UBR3: variants seen among roughly 807,000 people sequenced by gnomAD.
UBR3 encodes the protein ubiquitin protein ligase E3 component n-recognin 3, also known as E3 ubiquitin-protein ligase UBR3.
A neutral mutation model predicts 243.2 loss-of-function variants in UBR3; 85 were observed. That is an observed-to-expected ratio of 0.35 (90% CI 0.29 to 0.42). The LOEUF is 0.42. Ranked by LOEUF, UBR3 falls within the 10% of genes least tolerant of loss-of-function variation. The probability of loss-of-function intolerance (pLI) is 1.00; values close to 1 mark genes in which losing one functional copy is unlikely to be tolerated. For synonymous variants in UBR3, 748 were observed against 799.8 expected, an observed-to-expected ratio of 0.94 and a Z score of 1.09; for missense variants, 1,686 against 2,300.8, an observed-to-expected ratio of 0.73 and a Z score of 5.47.
chr2:169,893,251 C>A (rs570078962), intron 6 of UBR3, among the ~76,000 whole-genome samples: 5 of 152,294 alleles, frequency 3.3e-5, no homozygotes, highest in Admixed American at 6.5e-5. Flanking sequence ...GCAGAAGCCA[C>A]AGCTTTCCTG....
intron 25 of UBR3, among the ~76,000 whole-genome samples, chr2:169,990,803 C>T (rs1229368590): frequency 6.6e-6 from 1 of 151,380 alleles, no homozygotes; most frequent in Non-Finnish European, 1.5e-5. Context: ...CAATTAATTA[C>T]AGAAGAAGGC....
At chr2:169,994,663 T>C (rs892090246) in intron 26 of UBR3, among the ~76,000 whole-genome samples, 1 of 152,234 alleles carries the variant, frequency 6.6e-6, no homozygotes, top group African/African-American at 2.4e-5. Context: ...TTAAATGTTG[T>C]TTGTTGTGTG....
intron 8 of UBR3, among the ~76,000 whole-genome samples, chr2:169,904,015 A>G (rs756015550): frequency 5.9e-5 from 9 of 152,188 alleles, no homozygotes; most frequent in Admixed American, 6.5e-5. Context: ...ACATCTATAA[A>G]GCATCATCTG....
At chr2:169,986,889 T>C (rs2089030339) in intron 25 of UBR3, 95 bp downstream of exon 25, 1 of 1,341,554 alleles carries the variant, frequency 7.5e-7, no homozygotes, top group Non-Finnish European at 1.0e-6. Context: ...ATTATATCTT[T>C]GTCTACTTAT....
chr2:170,046,327 T>C (rs565508470), intron 32 of UBR3, among the ~76,000 whole-genome samples: 188 of 152,268 alleles, frequency 1.2e-3, no homozygotes, highest in Non-Finnish European at 2.1e-3. Flanking sequence ...GATCCATACA[T>C]TGGATTTGGT....
chr2:170,062,546 A>T (rs569126347), intron 35 of UBR3, among the ~76,000 whole-genome samples: 250 of 152,338 alleles, frequency 1.6e-3, no homozygotes, highest in African/African-American at 5.7e-3. Flanking sequence ...ATAATCATTC[A>T]TTAGATATTT....
At chr2:169,964,546 C>A in intron 24 of UBR3, 1 of 433,752 alleles carries the variant, frequency 2.3e-6, no homozygotes, top group Middle Eastern at 3.5e-4. Flanking sequence ...GAGGTAAGTT[C>A]CACTGGCTTT....
chr2:170,008,425 A>C (rs1342886886), intron 28 of UBR3, among the ~76,000 whole-genome samples: 1 of 152,178 alleles, frequency 6.6e-6, no homozygotes, highest in Non-Finnish European at 1.5e-5. Context: ...ATATGCTTAA[A>C]CTTACGGGAC....
chr2:169,904,897 ATTC>A (rs1266216988), intron 8 of UBR3, among the ~76,000 whole-genome samples: 1 of 152,156 alleles, frequency 6.6e-6, no homozygotes, highest in Non-Finnish European at 1.5e-5. Flanking sequence ...GCTTCATGTA[ATTC>A]TTTTAAGATG....
At chr2:169,986,841 A>T in intron 25 of UBR3, 47 bp downstream of exon 25, 5 of 1,585,834 alleles carry the variant, frequency 3.2e-6, no homozygotes, top group Non-Finnish European at 4.3e-6. Flanking sequence ...GAGCTGAAGT[A>T]TATACAACAG....
At chr2:169,884,623 T>C (rs886622390) in intron 5 of UBR3, among the ~76,000 whole-genome samples, 1 of 152,220 alleles carries the variant, frequency 6.6e-6, no homozygotes, top group African/African-American at 2.4e-5. Context: ...TTTAATCTGG[T>C]TTGTTTTTTG....
At chr2:169,907,746 T>C (rs543300509) in intron 10 of UBR3, among the ~76,000 whole-genome samples, 3 of 152,174 alleles carry the variant, frequency 2.0e-5, no homozygotes, top group Admixed American at 6.5e-5. Context: ...AACTTGTCTC[T>C]CATAATTCGT....
chr2:169,844,758 A>C (rs190839789), intron 1 of UBR3, among the ~76,000 whole-genome samples: 1 of 152,070 alleles, frequency 6.6e-6, no homozygotes, highest in African/African-American at 2.4e-5. Context: ...GGCCTCTCAA[A>C]GTGCTGGGAT....
intron 1 of UBR3, among the ~76,000 whole-genome samples, chr2:169,842,703 AC>A (rs944671300): frequency 6.6e-5 from 10 of 152,310 alleles, no homozygotes; most frequent in African/African-American, 2.4e-4. Context: ...CAGCGAGACC[AC>A]GAACCCACCA....
At chr2:169,907,472 C>CT (rs1473873230) in intron 10 of UBR3, among the ~76,000 whole-genome samples, 1 of 152,114 alleles carries the variant, frequency 6.6e-6, no homozygotes, top group Non-Finnish European at 1.5e-5. Context: ...TACTAAGAAT[C>CT]TTTCGTTCTA....
intron 1 of UBR3, among the ~76,000 whole-genome samples, chr2:169,847,079 C>CTG (rs769261518): frequency 0.017 from 2,119 of 123,588 alleles, 47 homozygotes; most frequent in African/African-American, 0.056. Flanking sequence ...TTTTCTTAAA[C>CTG]TGTGTGTGTG....
In UBR3 at chr2:170,006,980, C is replaced by T. The variant is rs189796030; in HGVS notation, c.4030-10C>T. The T allele has an allele frequency of 1.3e-4, 212 of 1,608,272 alleles. 1 individual carries two copies. The Middle Eastern group carries it at 1.5e-3, about 11-fold the overall frequency. ...ATATCACGCATCTGTATGTTTATTT[C>T]GTCTTTTAGAATGACCAGGTTCTTC... On this transcript the variant is annotated splice_polypyrimidine_tract_variant and intron_variant, in intron 27 of 38. Coordinates refer to ENST00000272793, the MANE Select transcript of UBR3 (RefSeq NM_172070.4).
chr2:170,042,440 T>G (rs2090991322), intron 32 of UBR3, among the ~76,000 whole-genome samples: 1 of 151,892 alleles, frequency 6.6e-6, no homozygotes, highest in Non-Finnish European at 1.5e-5. Context: ...CATATAGAAG[T>G]TTTTGTTTGA....
At chr2:170,012,918 G>A (rs961411983) in intron 29 of UBR3, among the ~76,000 whole-genome samples, 3 of 152,140 alleles carry the variant, frequency 2.0e-5, no homozygotes, top group African/African-American at 7.2e-5. Context: ...GCAAAAAGAA[G>A]CTGGAGCATA....
Sources: gnomAD v4.1 joint callset for allele counts (sites outside exome capture counted in the v4.1 genomes callset) on GRCh38, gnomAD v4.1.1 for gene constraint, MANE v1.5 for transcripts, NCBI Gene and HGNC (gene_info 2026-07-23, HGNC 2026-07-21) for gene names.